The following TNNI3K variants were observed in gnomAD, a reference collection of about 807,000 sequenced individuals.
TNNI3K encodes serine/threonine-protein kinase TNNI3K.
In TNNI3K, 140 loss-of-function variants were observed where a neutral mutation model predicts 114.5. That is an observed-to-expected ratio of 1.22 (90% CI 1.07 to 1.41). The LOEUF (loss-of-function observed/expected upper bound fraction) is 1.41. Among genes scored for constraint, TNNI3K ranks in the 40% most tolerant of loss-of-function variants. TNNI3K has a pLI of 0.00. For synonymous variants in TNNI3K, 347 were observed against 347.5 expected, an observed-to-expected ratio of 1.00 and a Z score of 0.02; for missense variants, 1,125 against 1,007.6, an observed-to-expected ratio of 1.12 and a Z score of -1.58.
chr1:74,391,071 G>A (rs1273332037), intron 17 of TNNI3K, among the ~76,000 whole-genome samples: 2 of 151,972 alleles, frequency 1.3e-5, no homozygotes, highest in East Asian at 3.9e-4. Context: ...TGTCCTGTGG[G>A]CCATTTTTGA....
chr1:74,359,483 G>T (rs1368108155), intron 11 of TNNI3K, among the ~76,000 whole-genome samples: 1 of 151,822 alleles, frequency 6.6e-6, no homozygotes, highest in Non-Finnish European at 1.5e-5. Context: ...AAACGCCTCT[G>T]GACAATCCCT....
At chr1:74,238,538 A>G (rs1233257851) in intron 2 of TNNI3K, among the ~76,000 whole-genome samples, 3 of 152,060 alleles carry the variant, frequency 2.0e-5, no homozygotes, top group Admixed American at 1.3e-4. Context: ...AAAGAGTGAA[A>G]GTTTTTATGA....
In TNNI3K at chr1:74,452,016, C is replaced by T. The variant is rs45459400; in HGVS notation, c.2012-11425C>T. 4.4e-3 allele frequency among the ~76,000 whole-genome samples: 664 copies of T among 151,936 alleles called. 4 individuals carry two copies. Among genetic ancestry groups the T allele is most frequent in the Non-Finnish European group, 4.3e-3 (294 of 67,982 alleles). On this transcript the variant is annotated intron_variant, in intron 20 of 24. Transcript: ENST00000326637. ...GAAATAATATTTTAAAAACATAAAC[C>T]TGATATATTACCATTGCTTAAAATT...
chr1:74,391,114 C>T (rs750114743), intron 17 of TNNI3K, among the ~76,000 whole-genome samples: 8 of 152,050 alleles, frequency 5.3e-5, no homozygotes, highest in Non-Finnish European at 1.0e-4. Context: ...GATAATACAC[C>T]ATTGAGATGT....
chr1:74,327,564 A>C (rs1659975954), intron 5 of TNNI3K, among the ~76,000 whole-genome samples: 1 of 146,532 alleles, frequency 6.8e-6, no homozygotes, highest in African/African-American at 2.5e-5. Flanking sequence ...TCTCAGTAGT[A>C]GTTTTTTAAT....
intron 21 of TNNI3K, chr1:74,483,299 T>A (rs1414299675): frequency 1.4e-6 from 1 of 717,534 alleles, no homozygotes; most frequent in Non-Finnish European, 2.6e-6. Context: ...GGGTTACATC[T>A]TTGGTGCACA....
rs141347625 is a variant in TNNI3K, at chr1:74,503,325, G to C, written c.2351+11059G>C. ...TTATAAATTTAATAAAACCAAAAAG[G>C]GTCTTTGGCTTTCTAACTTATATTT... On this transcript the variant is annotated intron_variant, in intron 23 of 24. Coordinates refer to ENST00000326637, the MANE Select transcript of TNNI3K (RefSeq NM_015978.3). Among the ~76,000 whole-genome samples the C allele has an allele frequency of 1.9e-4, 29 of 152,092 alleles. No homozygotes were observed. The East Asian group carries it at 3.5e-3, about 18-fold the overall frequency.
chr1:74,497,710 G>C (rs1669401925), intron 23 of TNNI3K, among the ~76,000 whole-genome samples: 1 of 151,982 alleles, frequency 6.6e-6, no homozygotes, highest in African/African-American at 2.4e-5. Flanking sequence ...CTTCTCTCCT[G>C]TTCCAGCTTC....
At chr1:74,540,811 A>T (rs1242759630) in intron 24 of TNNI3K, among the ~76,000 whole-genome samples, 1 of 152,166 alleles carries the variant, frequency 6.6e-6, no homozygotes, top group Non-Finnish European at 1.5e-5. Context: ...AAATCCAGCC[A>T]TTCCTTCAAA....
intron 20 of TNNI3K, among the ~76,000 whole-genome samples, chr1:74,446,642 A>T (rs1279316882): frequency 2.7e-5 from 4 of 150,542 alleles, no homozygotes; most frequent in South Asian, 2.1e-4. Context: ...TGGTAATGCC[A>T]AGGTTTTCTT....
At chr1:74,479,423 A>G (rs1465011115) in intron 21 of TNNI3K, among the ~76,000 whole-genome samples, 2 of 152,218 alleles carry the variant, frequency 1.3e-5, no homozygotes, top group Non-Finnish European at 2.9e-5. Context: ...TGGTCTGGGG[A>G]AGTATGGGCC....
At chr1:74,425,089 A>C (rs274579) in intron 17 of TNNI3K, among the ~76,000 whole-genome samples, 136,804 of 152,082 alleles carry the variant, frequency 0.9, 61,530 homozygotes, top group East Asian at 0.97. Context: ...GGACGAGGAA[A>C]ATGTTGGTCA....
rs117781051 is a variant in TNNI3K, at chr1:74,236,468, T to C, written c.149+258T>C. Among the ~76,000 whole-genome samples, 619 of 151,932 alleles carry C rather than the reference T, an allele frequency of 4.1e-3. 34 individuals carry two copies. The East Asian group carries it at 0.099, about 24-fold the overall frequency. On this transcript the variant is annotated intron_variant, in intron 2 of 24. Transcript: ENST00000326637. ...AAAATAAAAACCTAAAGGCTAGCCT[T>C]TGAATGCAAGCTATTGTTGATCTCA... is the stretch of plus-strand genomic sequence containing the variant.
chr1:74,451,715 C>CT (rs1667025487), intron 20 of TNNI3K, among the ~76,000 whole-genome samples: 3 of 35,562 alleles, frequency 8.4e-5, no homozygotes, highest in African/African-American at 3.7e-4. Context: ...TTCTTTCTTT[C>CT]TTTCTTTCTT....
rs72675351 is a variant in TNNI3K at position 74,530,128 on chromosome 1, C to T, written c.2352-10106C>T. Among the ~76,000 whole-genome samples, 1,283 of 152,252 alleles carry T rather than the reference C, an allele frequency of 8.4e-3. 14 individuals carry two copies. The highest frequency in any genetic ancestry group is 0.014 in the Middle Eastern group (4 of 294). ...TACAAGCATGAGCCACTGTGCCAGC[C>T]GTTAGGTGTCTACGTTTCTATTTAC... On this transcript the variant is annotated intron_variant, in intron 23 of 24. Transcript: ENST00000326637.
intron 17 of TNNI3K, among the ~76,000 whole-genome samples, chr1:74,416,842 T>C (rs1386021293): frequency 6.6e-6 from 1 of 152,094 alleles, no homozygotes; most frequent in Non-Finnish European, 1.5e-5. Flanking sequence ...TTTCTACTTA[T>C]TTCTTCCAAA....
At chr1:74,539,366 A>C (rs958016369) in intron 23 of TNNI3K, among the ~76,000 whole-genome samples, 2 of 152,146 alleles carry the variant, frequency 1.3e-5, no homozygotes, top group African/African-American at 4.8e-5. Context: ...TCTGGGGGGA[A>C]CTAGGGTAGT....
chr1:74,308,518 A>C (rs904388458), intron 5 of TNNI3K, among the ~76,000 whole-genome samples: 1 of 152,174 alleles, frequency 6.6e-6, no homozygotes, highest in African/African-American at 2.4e-5. Flanking sequence ...CACTGTTATG[A>C]GGAAACTTTA....
intron 17 of TNNI3K, among the ~76,000 whole-genome samples, chr1:74,396,869 C>T (rs1664109042): frequency 6.6e-6 from 1 of 152,286 alleles, no homozygotes; most frequent in South Asian, 2.1e-4. Context: ...CCCAGTAGGG[C>T]AAGGCCTCTT....
Sources: allele counts gnomAD v4.1 joint callset (sites outside exome capture counted in the v4.1 genomes callset), GRCh38; gene constraint gnomAD v4.1.1; transcripts MANE v1.5; gene names NCBI Gene and HGNC (gene_info 2026-07-23, HGNC 2026-07-21).